The following ZNF236 variants were observed in gnomAD, a reference collection of about 807,000 sequenced individuals.
ZNF236 encodes zinc finger protein 236, also known as regulated by glucose.
A neutral mutation model predicts 191.2 loss-of-function variants in ZNF236; 50 were observed. The observed-to-expected ratio is 0.26, with a 90% CI of 0.21 to 0.33. The LOEUF is 0.33. ZNF236 is among the 10% of genes least tolerant of loss of function. The probability of loss-of-function intolerance (pLI) is 1.00; values close to 1 mark genes in which losing one functional copy is unlikely to be tolerated. For synonymous variants in ZNF236, 907 were observed against 928.8 expected (o/e 0.98, Z 0.43); for missense variants, 1,754 against 2,374.5 (o/e 0.74, Z 5.43).
chr18:76,912,300 T>A lies in ZNF236; in HGVS notation c.2862T>A (p.Gly954=). The stretch of plus-strand genomic sequence containing the variant: ...AGGAACTGGACCTGCAGGCACAAGG[T>A]TCCCAGTTTCTGGAGGACAACGAGG... ...SQEELDLQAQ[G]SQFLEDNEDQ... Residue 954 remains glycine, a synonymous_variant, in exon 17 of 31, where the codon GGT becomes GGA. Transcript: ENST00000320610. 2 of 1,614,204 alleles carry A rather than the reference T, an allele frequency of 1.2e-6. No homozygotes were observed. Among genetic ancestry groups the A allele is most frequent in the Non-Finnish European group, 1.7e-6 (2 of 1,180,030 alleles).
At chr18:76,853,294 G>A (rs1975936861) in intron 3 of ZNF236, among the ~76,000 whole-genome samples, 1 of 151,934 alleles carries the variant, frequency 6.6e-6, no homozygotes, top group South Asian at 2.1e-4. Context: ...GGCCAAGCTG[G>A]TCTTGAACTC....
intron 21 of ZNF236, among the ~76,000 whole-genome samples, chr18:76,923,618 C>T (rs1326285862): frequency 1.3e-5 from 2 of 152,144 alleles, no homozygotes; most frequent in East Asian, 3.9e-4. Flanking sequence ...GCCTTTTTCT[C>T]ATCTTCATCT....
chr18:76,932,635 G>A (rs928780602), intron 25 of ZNF236, among the ~76,000 whole-genome samples: 29 of 152,126 alleles, frequency 1.9e-4, no homozygotes, highest in Admixed American at 1.8e-3. Flanking sequence ...CCTGCTGGCC[G>A]GCCTCACTGA....
chr18:76,884,114 A>G (rs2122657134), intron 9 of ZNF236, among the ~76,000 whole-genome samples: 1 of 152,262 alleles, frequency 6.6e-6, no homozygotes, highest in African/African-American at 2.4e-5. Context: ...AAAGTTTGAA[A>G]TTTATGACCA....
chr18:76,943,137 AAAAAAG>A (rs943312110), intron 26 of ZNF236, among the ~76,000 whole-genome samples: 2 of 151,306 alleles, frequency 1.3e-5, no homozygotes, highest in African/African-American at 4.9e-5. Flanking sequence ...AAAAAAAAAA[AAAAAAG>A]AAGAGCAAAT....
Position 76,878,070 on chromosome 18 carries a change from G to C in ZNF236, c.902G>C (p.Ser301Thr). 6.2e-7 allele frequency: 1 copy of C among 1,613,238 alleles called. No homozygotes were observed. Residue 301 changes from serine (S) to threonine (T), a missense_variant, in exon 7 of 31, where the codon AGC becomes ACC. By Grantham distance (58) the Ser-to-Thr change is moderately conservative. Coordinates refer to ENST00000320610, the MANE Select transcript of ZNF236 (RefSeq NM_001306089.2). ...AGTTGTGTATTTAAAAGTTTAGGCA[G>C]CTTAAACACGCATATCAGCAAGATG... is the stretch of plus-strand genomic sequence containing the variant. ...ECSCVFKSLG[S>T]LNTHISKMHM... is the part of the protein sequence containing the mutation.
intron 30 of ZNF236, among the ~76,000 whole-genome samples, chr18:76,967,793 G>A (rs1479499477): frequency 1.3e-5 from 2 of 151,852 alleles, no homozygotes; most frequent in East Asian, 1.9e-4. Flanking sequence ...GGAGCTCGAC[G>A]GCTTTCAGTG....
chr18:76,959,696 C>G lies in ZNF236; in HGVS notation c.5122C>G (p.Gln1708Glu). 1 of 1,611,560 alleles carries G rather than the reference C, an allele frequency of 6.2e-7. No homozygotes were observed. Among genetic ancestry groups the G allele is most frequent in the Non-Finnish European group, 8.5e-7 (1 of 1,178,574 alleles). ...KRATHLKEHM[Q>E]THQAGPSLSS... ...GTGTGTTGTCTCCCAGGAGCACATG[C>G]AGACACACCAGGCCGGCCCCTCTTT... is the stretch of plus-strand genomic sequence containing the variant. The change falls in exon 29 of 31, where the codon CAG (glutamine) becomes GAG (glutamate). Residue 1708 changes from glutamine to glutamate, a missense_variant. By Grantham distance (29) the Gln-to-Glu change is conservative (BLOSUM62 2). This residue lies in a region of ZNF236 where 606 missense variants were observed against 761.5 expected (regional missense o/e 0.80). Transcript: ENST00000320610.
intron 22 of ZNF236, 71 bp from the exon 23 acceptor site, chr18:76,926,966 A>G: frequency 6.5e-7 from 1 of 1,533,006 alleles, no homozygotes; most frequent in Non-Finnish European, 8.8e-7. Context: ...TCCCTATGTA[A>G]AAAATGAATT....
intron 3 of ZNF236, among the ~76,000 whole-genome samples, chr18:76,865,562 T>C (rs1976383512): frequency 6.6e-6 from 1 of 152,160 alleles, no homozygotes; most frequent in South Asian, 2.1e-4. Flanking sequence ...AAAGTGCAGG[T>C]ACTTTGAGGT....
chr18:76,904,404 A>G lies in ZNF236; in HGVS notation c.1919A>G (p.Asn640Ser), dbSNP rs1454039375. The G allele has an allele frequency of 3.1e-6, 5 of 1,608,700 alleles. No individual in the cohort carries two copies. The highest frequency in any genetic ancestry group is 4.5e-5 in the East Asian group (2 of 44,386). The part of the protein sequence containing the change: ...DLGLIQPIPK[N>S]QFFQSYFNNN... ...GGTCTCATCCAGCCCATTCCAAAAA[A>G]CCAGTTTTTCCAAAGCTATTTCAAT... The change falls in exon 12 of 31, where the codon AAC becomes AGC. Residue 640 changes from asparagine (N) to serine (S), a missense_variant. Asn to Ser is a conservative substitution (Grantham distance 46). Transcript: ENST00000320610.
At position 76,971,210 on chromosome 18, in the gene ZNF236, G is replaced by A. The variant is rs538588261; in HGVS notation, c.*2871G>A. On this transcript the variant is annotated 3_prime_UTR_variant, in exon 31 of 31. Coordinates refer to ENST00000320610, the MANE Select transcript of ZNF236 (RefSeq NM_001306089.2). The stretch of plus-strand genomic sequence containing the variant: ...CCTGCTAGATAATGCCCAAGCGGCT[G>A]CGTTTCCATAGAATGGCAATAGATG... 6.6e-6 allele frequency among the ~76,000 whole-genome samples: 1 copy of A among 152,364 alleles called. No homozygotes were observed. Among genetic ancestry groups the A allele is most frequent in the East Asian group, 1.9e-4 (1 of 5,192 alleles).
At chr18:76,923,806 C>T (rs955298568) in intron 21 of ZNF236, among the ~76,000 whole-genome samples, 5 of 152,126 alleles carry the variant, frequency 3.3e-5, no homozygotes, top group African/African-American at 9.6e-5. Context: ...GTTGTACCTC[C>T]GTCTTTGGGA....
intron 28 of ZNF236, among the ~76,000 whole-genome samples, chr18:76,958,093 C>T (rs1364727769): frequency 2.6e-5 from 4 of 152,338 alleles, no homozygotes; most frequent in African/African-American, 7.2e-5. Flanking sequence ...GAGTCCCCAC[C>T]AACTTCAGGG....
chr18:76,950,559 G>T (rs1968379942), intron 27 of ZNF236, among the ~76,000 whole-genome samples: 1 of 151,882 alleles, frequency 6.6e-6, no homozygotes, highest in Non-Finnish European at 1.5e-5. Flanking sequence ...CAGCAATTCA[G>T]TCATCTTCAG....
At chr18:76,870,219 C>T (rs1343804217) in intron 4 of ZNF236, among the ~76,000 whole-genome samples, 1 of 152,092 alleles carries the variant, frequency 6.6e-6, no homozygotes, top group East Asian at 1.9e-4. Flanking sequence ...TTTCATTTTG[C>T]CTCTTGTTGA....
intron 11 of ZNF236, among the ~76,000 whole-genome samples, chr18:76,900,474 A>G (rs1408596575): frequency 6.6e-6 from 1 of 152,240 alleles, no homozygotes; most frequent in Non-Finnish European, 1.5e-5. Flanking sequence ...TATGCATGAA[A>G]CAGAAGTTGA....
At chr18:76,947,744 G>C in intron 27 of ZNF236, 92 bp downstream of exon 27, 1 of 1,458,682 alleles carries the variant, frequency 6.9e-7, no homozygotes, top group Non-Finnish European at 9.2e-7. Flanking sequence ...TGGGCGTGCT[G>C]TGTGACCCAG....
At position 76,875,517 on chromosome 18, in the gene ZNF236, A is replaced by C; in HGVS notation, c.693A>C (p.Glu231Asp). 6.4e-7 allele frequency: 1 copy of C among 1,551,184 alleles called. No individual in the cohort carries two copies. The highest frequency in any genetic ancestry group is 8.7e-7 in the Non-Finnish European group (1 of 1,144,574). ...HTGERPFKCS[E>D]CGKAFNQKGA... The stretch of plus-strand genomic sequence containing the variant: ...GTGAAAGGCCGTTCAAATGTAGTGA[A>C]TGTGGAAAGGCTTTTAACCAGAAGG... Residue 231 changes from glutamate (E) to aspartate (D), a missense_variant, in exon 6 of 31, where the codon GAA becomes GAC. By Grantham distance (45) the Glu-to-Asp change is conservative. Transcript: ENST00000320610. This position sits in a 1 kb window ranked among gnomAD's most constrained non-coding sequence, Gnocchi z 4.3.
Sources: allele counts gnomAD v4.1 joint callset (sites outside exome capture counted in the v4.1 genomes callset), GRCh38; gene constraint gnomAD v4.1.1; regional missense constraint gnomAD v4.1.1; non-coding constraint Gnocchi (gnomAD v3.1); transcripts MANE v1.5; gene names NCBI Gene and HGNC (gene_info 2026-07-23, HGNC 2026-07-21).